The following TBL1Y variants were observed in gnomAD, a reference collection of about 807,000 sequenced individuals.
TBL1Y encodes F-box-like/WD repeat-containing protein TBL1Y.
A neutral mutation model predicts 12.0 loss-of-function variants in TBL1Y; 15 were observed. The ratio of observed to expected loss-of-function variants is 1.25; its 90% confidence interval spans 0.83 to 1.92. TBL1Y has a LOEUF of 1.92. Among genes scored for constraint, TBL1Y ranks in the 40% most tolerant of loss-of-function variants. The pLI is 0.00. For missense variants in TBL1Y, 148 were observed against 116.7 expected (o/e 1.27, Z -1.24); for synonymous variants, 53 against 42.6 (o/e 1.24, Z -0.95).
chrY:6,925,697 T>A, intron 2 of TBL1Y, among the ~76,000 whole-genome samples: 1 of 33,945 alleles, frequency 2.9e-5, no homozygotes, highest in Admixed American at 2.7e-4. Flanking sequence ...ATTACAGGCG[T>A]GAGCCACTGT....
intron 2 of TBL1Y, among the ~76,000 whole-genome samples, chrY:6,927,693 G>C: frequency 3.0e-5 from 1 of 33,751 alleles, no homozygotes; most frequent in Non-Finnish European, 7.3e-5. Flanking sequence ...GAAAGGTGCT[G>C]TTGGTGTTGT....
At chrY:7,062,945 C>G in intron 7 of TBL1Y, among the ~76,000 whole-genome samples, 2 of 34,107 alleles carry the variant, frequency 5.9e-5, no homozygotes, top group African/African-American at 1.1e-4. Flanking sequence ...CCTGGCTTTT[C>G]TTTCCCTGGT....
At chrY:7,084,099 C>T in intron 14 of TBL1Y, among the ~76,000 whole-genome samples, 1 of 33,109 alleles carries the variant, frequency 3.0e-5, no homozygotes, top group Non-Finnish European at 7.4e-5. Context: ...AATTGGAGCC[C>T]TCAGGAGTTT....
At chrY:6,944,997 C>T in intron 2 of TBL1Y, among the ~76,000 whole-genome samples, 1 of 31,225 alleles carries the variant, frequency 3.2e-5, no homozygotes, top group Non-Finnish European at 7.8e-5. Context: ...TTTCCCCTTT[C>T]CTTTTTACCC....
intron 2 of TBL1Y, among the ~76,000 whole-genome samples, chrY:6,940,102 A>T (rs2011941282): frequency 2.6e-4 from 7 of 27,154 alleles, no homozygotes; most frequent in Admixed American, 1.7e-3. Flanking sequence ...ACAAAAAAAA[A>T]AAAAAAAAAA....
rs1246030140 is a variant in TBL1Y, at chrY:6,910,863, C to G, written c.-470C>G. The G allele has an allele frequency of 5.3e-4, 21 of 39,748 alleles. No individual in the cohort carries two copies. The highest frequency in any genetic ancestry group is 5.9e-5 in the Non-Finnish European group (1 of 16,869). 9.9% of individuals were successfully genotyped at this position (39,748 alleles called of 400,897 possible). A position where few individuals can be genotyped will look rare whatever the true frequency, so the allele number is the denominator to read the frequency against. ...GGCCCAGGGGCGGCACGCGGCTGCTCCGGTGCGCCGGGCTCTTTTCGGCCG... is the reference window on the plus strand; with the variant it reads ...GGCCCAGGGGCGGCACGCGGCTGCTGCGGTGCGCCGGGCTCTTTTCGGCCG... On this transcript the variant is annotated 5_prime_UTR_variant, in exon 1 of 19. Transcript: ENST00000383032.
At chrY:7,063,063 G>T in intron 7 of TBL1Y, among the ~76,000 whole-genome samples, 1 of 32,342 alleles carries the variant, frequency 3.1e-5, no homozygotes, top group Non-Finnish European at 7.6e-5. Context: ...GTTATTCCTC[G>T]CACAGGGTGG....
intron 4 of TBL1Y, among the ~76,000 whole-genome samples, chrY:7,010,930 C>CA (rs1479660635): frequency 1.5e-3 from 37 of 25,025 alleles, no homozygotes; most frequent in African/African-American, 4.8e-3. Context: ...CACTGTGTCT[C>CA]AAAAAAAAAA....
chrY:7,024,978 CA>C (rs370988381), intron 5 of TBL1Y, 56 bp from the exon 6 acceptor site: 147 of 250,581 alleles, frequency 5.9e-4, no homozygotes, highest in South Asian at 5.5e-3. Context: ...ACCTCACACA[CA>C]AAAAAAAGAG....
At chrY:6,967,534 G>A (rs1362781953) in intron 2 of TBL1Y, among the ~76,000 whole-genome samples, 1 of 32,933 alleles carries the variant, frequency 3.0e-5, no homozygotes, top group Non-Finnish European at 7.5e-5. Context: ...AGAGGCGTGC[G>A]CCACCATATC....
At chrY:6,915,094 C>T (rs2011725439) in intron 2 of TBL1Y, among the ~76,000 whole-genome samples, 1 of 33,268 alleles carries the variant, frequency 3.0e-5, no homozygotes, top group Admixed American at 2.8e-4. Flanking sequence ...GTAAATATCC[C>T]TCAGGATGGT....
chrY:7,025,241 C>T, intron 6 of TBL1Y, 99 bp downstream of exon 6: 2 of 247,791 alleles, frequency 8.1e-6, no homozygotes, highest in South Asian at 3.8e-5. Flanking sequence ...AGAAGAAGAA[C>T]AGCTAAGAAA....
intron 4 of TBL1Y, among the ~76,000 whole-genome samples, chrY:7,000,350 AT>A (rs2012439895): frequency 3.0e-5 from 1 of 33,271 alleles, no homozygotes; most frequent in Non-Finnish European, 7.3e-5. Context: ...GGCCACTAAT[AT>A]TCCACTTGCT....
chrY:7,075,884 C>T, intron 13 of TBL1Y, among the ~76,000 whole-genome samples: 3 of 32,167 alleles, frequency 9.3e-5, no homozygotes, highest in Non-Finnish European at 1.5e-4. Context: ...TTCTGTTTTT[C>T]AGAGAAAAAT....
At chrY:6,983,430 C>T (rs2012297744) in intron 3 of TBL1Y, among the ~76,000 whole-genome samples, 1 of 32,634 alleles carries the variant, frequency 3.1e-5, no homozygotes, top group Non-Finnish European at 7.5e-5. Context: ...GCTTTATGCC[C>T]GACTAACTCA....
At chrY:7,046,921 T>C (rs946387521) in intron 7 of TBL1Y, among the ~76,000 whole-genome samples, 1 of 34,022 alleles carries the variant, frequency 2.9e-5, no homozygotes, top group Admixed American at 2.7e-4. Context: ...TATTCAAAGA[T>C]AAGAGTTTCT....
At chrY:6,932,021 C>T (rs2011868869) in intron 2 of TBL1Y, among the ~76,000 whole-genome samples, 1 of 33,909 alleles carries the variant, frequency 2.9e-5, no homozygotes, top group African/African-American at 1.2e-4. Context: ...GTTTTATTTA[C>T]TTTTCCATTC....
intron 6 of TBL1Y, among the ~76,000 whole-genome samples, chrY:7,031,630 G>A: frequency 3.0e-5 from 1 of 33,191 alleles, no homozygotes; most frequent in Admixed American, 2.8e-4. Context: ...ACACTTTAGG[G>A]GAGTAGTACA....
intron 2 of TBL1Y, among the ~76,000 whole-genome samples, chrY:6,917,070 G>T: frequency 2.9e-5 from 1 of 34,145 alleles, no homozygotes. Flanking sequence ...AACCTCAATT[G>T]TATAGTCAGC....
Sources: gnomAD v4.1 joint callset for allele counts (sites outside exome capture counted in the v4.1 genomes callset) on GRCh38, gnomAD v4.1.1 for gene constraint, MANE v1.5 for transcripts, NCBI Gene and HGNC (gene_info 2026-07-23, HGNC 2026-07-21) for gene names.